The following CR1L variants were observed in gnomAD, a reference collection of about 807,000 sequenced individuals.
CR1L encodes complement C3b/C4b receptor 1 like.
In CR1L, 59 loss-of-function variants were observed where a neutral mutation model predicts 62.3. That is an observed-to-expected ratio of 0.95 (90% confidence interval 0.77 to 1.18). CR1L has a LOEUF of 1.18. Ranked by LOEUF, CR1L falls within the 50% of genes most tolerant of loss-of-function variation. CR1L has a pLI of 0.00. For synonymous variants in CR1L, 279 were observed against 248.7 expected (o/e 1.12, Z -1.15); for missense variants, 700 against 702.8 (o/e 1.00, Z 0.04).
intron 4 of CR1L, among the ~76,000 whole-genome samples, chr1:207,690,782 G>A (rs1663983750): frequency 6.6e-6 from 1 of 152,170 alleles, no homozygotes; most frequent in African/African-American, 2.4e-5. Flanking sequence ...GTGGCTGCTG[G>A]CAATCGTTGA....
intron 10 of CR1L, among the ~76,000 whole-genome samples, chr1:207,716,326 T>G (rs1170062214): frequency 6.6e-5 from 10 of 152,192 alleles, no homozygotes; most frequent in Non-Finnish European, 1.5e-4. Flanking sequence ...GGAGCCGGGA[T>G]GACGAATCAG....
At chr1:207,657,273 A>T in intron 1 of CR1L, 2 of 1,533,978 alleles carry the variant, frequency 1.3e-6, no homozygotes, top group East Asian at 4.5e-5. Flanking sequence ...AGCACGATTT[A>T]TTGTGGTGAC....
rs73082722 is a variant in CR1L, at chr1:207,710,215, G to A, written c.1414+1952G>A. Among the ~76,000 whole-genome samples the A allele has an allele frequency of 4.5e-3, 690 of 151,992 alleles. 1 individual carries two copies. The highest frequency in any genetic ancestry group is 0.015 in the African/African-American group (634 of 41,440). Reference sequence around the variant, plus strand: ...AAAAATAAACCAGATACGGTGGTGCGTGCCTGTAATCCCAGCTACTCGGGA... The same window carrying A: ...AAAAATAAACCAGATACGGTGGTGCATGCCTGTAATCCCAGCTACTCGGGA... On this transcript the variant is annotated intron_variant, in intron 10 of 11. Coordinates refer to ENST00000508064, the MANE Select transcript of CR1L (RefSeq NM_175710.2).
intron 4 of CR1L, among the ~76,000 whole-genome samples, chr1:207,691,680 C>T (rs1202214832): frequency 6.6e-6 from 1 of 152,114 alleles, no homozygotes; most frequent in African/African-American, 2.4e-5. Context: ...TAAATCACTA[C>T]TCTAGAGACA....
In CR1L at chr1:207,723,605, G is replaced by C. The variant is rs1186936042; in HGVS notation, c.1643-13G>C. ...CCAGAGTGATGTTTTTGTGACTTTT[G>C]TCTTCCTTTTAGGTTCACATGATGC... On this transcript the variant is annotated splice_polypyrimidine_tract_variant and intron_variant, in intron 11 of 11. Coordinates refer to ENST00000508064, the MANE Select transcript of CR1L (RefSeq NM_175710.2). The C allele has an allele frequency of 6.3e-7, 1 of 1,587,078 alleles. No individual in the cohort carries two copies. The highest frequency in any genetic ancestry group is 8.6e-7 in the Non-Finnish European group (1 of 1,163,632).
intron 1 of CR1L, chr1:207,652,963 G>A: frequency 7.7e-6 from 2 of 258,804 alleles, no homozygotes; most frequent in Non-Finnish European, 1.5e-5. Context: ...CCTTATAATA[G>A]GTAAAGAAAG....
chr1:207,711,241 G>T, intron 10 of CR1L: 1 of 206,940 alleles, frequency 4.8e-6, no homozygotes, highest in Non-Finnish European at 9.7e-6. Flanking sequence ...GAGGTGTTAT[G>T]GCAGATACAT....
chr1:207,691,595 T>C (rs967265557), intron 4 of CR1L, among the ~76,000 whole-genome samples: 4 of 152,166 alleles, frequency 2.6e-5, no homozygotes, highest in African/African-American at 9.6e-5. Context: ...ATTTCTCACA[T>C]TTTTGAATTC....
At chr1:207,720,997 T>TA (rs555348991) in intron 11 of CR1L, among the ~76,000 whole-genome samples, 56 of 152,256 alleles carry the variant, frequency 3.7e-4, no homozygotes, top group Admixed American at 9.2e-4. Flanking sequence ...ATGCCATTTC[T>TA]AAGGTAAATG....
rs762354350 is a variant in CR1L, at chr1:207,699,055, C to G, written c.1143-134C>G. ...GGAGGCTGTGATTTTTCCAGAATAA[C>G]GTAGCCTGTGCAACTCTGCCACCTG... On this transcript the variant is annotated intron_variant, in intron 7 of 11. Transcript: ENST00000508064. The G allele has an allele frequency of 5.4e-5, 59 of 1,084,016 alleles. No homozygotes were observed. In the Middle Eastern group the frequency reaches 1.2e-3, roughly 21 times the overall value. The allele number at this position is 1,084,016 out of a possible 1,614,324, so 67.1% of individuals were successfully genotyped here. A position where few individuals can be genotyped will look rare whatever the true frequency, so the allele number is the denominator to read the frequency against.
At chr1:207,673,987 A>G (rs1016755119) in intron 1 of CR1L, among the ~76,000 whole-genome samples, 2 of 152,260 alleles carry the variant, frequency 1.3e-5, no homozygotes, top group African/African-American at 4.8e-5. Context: ...ACCCAGCAAC[A>G]AAAGGAAACA....
chr1:207,706,898 A>G (rs1001585123), intron 9 of CR1L, among the ~76,000 whole-genome samples: 2 of 152,236 alleles, frequency 1.3e-5, no homozygotes, highest in Non-Finnish European at 2.9e-5. Flanking sequence ...ATGTAATCAT[A>G]ATTTAGTAAT....
intron 1 of CR1L, among the ~76,000 whole-genome samples, chr1:207,651,738 G>C (rs1343141156): frequency 3.3e-5 from 5 of 152,158 alleles, no homozygotes; most frequent in African/African-American, 1.2e-4. Context: ...GGACATGCTG[G>C]ATAAACAATC....
chr1:207,699,900 G>A (rs1048414467), intron 8 of CR1L, among the ~76,000 whole-genome samples: 2 of 152,144 alleles, frequency 1.3e-5, no homozygotes, highest in Admixed American at 6.6e-5. Context: ...ACGGATAATA[G>A]ATCAAAGCAA....
intron 7 of CR1L, among the ~76,000 whole-genome samples, chr1:207,698,332 G>A (rs1664139955): frequency 2.0e-5 from 3 of 152,092 alleles, no homozygotes; most frequent in Non-Finnish European, 4.4e-5. Flanking sequence ...TTTGTAATAG[G>A]ACTGAAAGTG....
At position 207,695,183 on chromosome 1, in the gene CR1L, A is replaced by G. The variant is rs781573113; in HGVS notation, c.862+432A>G. On this transcript the variant is annotated intron_variant, in intron 5 of 11. Coordinates refer to ENST00000508064, the MANE Select transcript of CR1L (RefSeq NM_175710.2). ...ATCTGTCACTCAAGTTGGACTGCAG[A>G]GGTGAGATCATGGCTTACTGCAACC... Among the ~76,000 whole-genome samples, 19 of 152,260 alleles carry G rather than the reference A, an allele frequency of 1.2e-4. 1 individual carries two copies. The highest frequency in any genetic ancestry group is 3.4e-3 in the Middle Eastern group (1 of 294).
intron 1 of CR1L, among the ~76,000 whole-genome samples, chr1:207,650,418 G>C (rs938755635): frequency 1.3e-5 from 2 of 152,146 alleles, no homozygotes. Flanking sequence ...GTTATCAAGA[G>C]GGTAATTCAA....
At chr1:207,721,177 C>A (rs1364006691) in intron 11 of CR1L, among the ~76,000 whole-genome samples, 1 of 152,010 alleles carries the variant, frequency 6.6e-6, no homozygotes, top group African/African-American at 2.4e-5. Flanking sequence ...TAAAGAAATG[C>A]AAAAATAACA....
chr1:207,714,522 C>T (rs1653941709), intron 10 of CR1L, among the ~76,000 whole-genome samples: 1 of 152,112 alleles, frequency 6.6e-6, no homozygotes. Flanking sequence ...TTGTCTGCCT[C>T]CTGCTTCTAC....
Sources: gnomAD v4.1 joint callset for allele counts (sites outside exome capture counted in the v4.1 genomes callset) on GRCh38, gnomAD v4.1.1 for gene constraint, MANE v1.5 for transcripts, NCBI Gene and HGNC (gene_info 2026-07-23, HGNC 2026-07-21) for gene names.